MYO19: variants seen among roughly 807,000 people sequenced by gnomAD.
MYO19 encodes the protein myosin XIX.
MYO19 carries 132 observed loss-of-function variants against 129.2 expected under a neutral mutation model. That is an observed-to-expected ratio of 1.02 (90% CI 0.89 to 1.18). The LOEUF (loss-of-function observed/expected upper bound fraction) is 1.18, where lower values mean the gene tolerates loss of function less well. Among genes scored for constraint, MYO19 ranks in the 50% most tolerant of loss-of-function variants. The pLI is 0.00. For missense variants in MYO19, 1,210 were observed against 1,216.7 expected, an observed-to-expected ratio of 0.99 and a Z score of 0.08; for synonymous variants, 531 against 477.2, an observed-to-expected ratio of 1.11 and a Z score of -1.47.
Position 36,512,840 on chromosome 17 carries a change from C to T in MYO19, c.894+589G>A, listed in dbSNP as rs187954683. ...TCTGTCAGCAAAGACAGAAGGGAGGCCCCCCTAGTGTGACTGAGAGGAGCC... is the reference window on the plus strand; with the variant it reads ...TCTGTCAGCAAAGACAGAAGGGAGGTCCCCCTAGTGTGACTGAGAGGAGCC... On this transcript the variant is annotated intron_variant, in intron 11 of 25. Coordinates refer to ENST00000614623, the MANE Select transcript of MYO19 (RefSeq NM_001163735.2). 10,930 of 1,244,886 alleles carry T rather than the reference C, an allele frequency of 8.8e-3. 59 individuals carry two copies. Among genetic ancestry groups the T allele is most frequent in the Non-Finnish European group, 0.01 (9,817 of 966,034 alleles). 77.1% of individuals were successfully genotyped at this position (1,244,886 alleles called of 1,614,324 possible).
At position 36,528,216 on chromosome 17, in the gene MYO19, C is replaced by T. The variant is rs767189932; in HGVS notation, c.13-14G>A. The T allele has an allele frequency of 4.5e-6, 7 of 1,559,474 alleles. No homozygotes were observed. Among genetic ancestry groups the T allele is most frequent in the Admixed American group, 1.9e-5 (1 of 51,790 alleles). On this transcript the variant is annotated splice_polypyrimidine_tract_variant and intron_variant, in intron 3 of 25. Coordinates refer to ENST00000614623, the MANE Select transcript of MYO19 (RefSeq NM_001163735.2). Reference sequence around the variant, plus strand: ...GTGGCCATTGACCTGGAAGAGATAACGTGAAGGTGAGGCCAGGCACAGTGG... The same window carrying T: ...GTGGCCATTGACCTGGAAGAGATAATGTGAAGGTGAGGCCAGGCACAGTGG...
At chr17:36,517,065 G>A (rs2072803002) in intron 6 of MYO19, among the ~76,000 whole-genome samples, 1 of 151,928 alleles carries the variant, frequency 6.6e-6, no homozygotes, top group Admixed American at 6.6e-5. Context: ...TTCTTCTTGT[G>A]TGATCTTCAG....
At chr17:36,508,933 T>G in intron 14 of MYO19, 129 bp downstream of exon 14, 1 of 748,308 alleles carries the variant, frequency 1.3e-6, no homozygotes, top group Non-Finnish European at 2.3e-6. Flanking sequence ...GGCAGGCAGA[T>G]GCAAGAGGAG....
upstream of MYO19, among the ~76,000 whole-genome samples, chr17:36,544,433 A>G (rs996236885): frequency 6.6e-6 from 1 of 151,606 alleles, no homozygotes; most frequent in Non-Finnish European, 1.5e-5. Flanking sequence ...TTTGTCTCTC[A>G]CCCCCCGATG....
intron 11 of MYO19, chr17:36,512,966 G>T: frequency 1.4e-6 from 1 of 730,220 alleles, no homozygotes; most frequent in Middle Eastern, 5.6e-4. Context: ...CTGGTACTCT[G>T]TATCACCACT....
At chr17:36,537,492 T>A (rs200501473), upstream of MYO19, 3 of 1,614,218 alleles carry the variant, frequency 1.9e-6, no homozygotes, top group East Asian at 4.5e-5. Flanking sequence ...AGCCATCTCC[T>A]GTTTCCGTGT....
At chr17:36,512,771 C>T in intron 11 of MYO19, 1 of 1,288,638 alleles carries the variant, frequency 7.8e-7, no homozygotes, top group Non-Finnish European at 1.0e-6. Context: ...TCTATCCCCT[C>T]CTGCTGCTCT....
Position 36,505,399 on chromosome 17 carries a change from T to C in MYO19, c.1803A>G (p.Ser601=). 1 of 1,613,920 alleles carries C rather than the reference T, an allele frequency of 6.2e-7. No homozygotes were observed. Among genetic ancestry groups the C allele is most frequent in the Non-Finnish European group, 8.5e-7 (1 of 1,179,798 alleles). The change falls in exon 19 of 26, where the codon TCA becomes TCG. Residue 601 remains serine (S), a synonymous_variant. Transcript: ENST00000614623. ...GTAGGACCTGCAGAAGCTGCTCCAG[T>C]GAGGCCTGCAGATGAGAGACCATGG... is the stretch of plus-strand genomic sequence containing the variant. ...VLTVVSKFKA[S]LEQLLQVLHS...
upstream of MYO19, chr17:36,538,279 T>A: frequency 6.2e-7 from 1 of 1,613,374 alleles, no homozygotes; most frequent in Non-Finnish European, 8.5e-7. Context: ...CTGGGTGATA[T>A]AATTTTGAGT....
chr17:36,502,037 G>A (rs2071567348), intron 21 of MYO19: 1 of 153,140 alleles, frequency 6.5e-6, no homozygotes, highest in Non-Finnish European at 1.5e-5. Flanking sequence ...AAAGGAAAGT[G>A]AAAACTGCCC....
Position 36,496,251 on chromosome 17 carries a change from T to C in MYO19, c.2913A>G (p.Ter971TrpextTer37). 1 of 1,613,450 alleles carries C rather than the reference T, an allele frequency of 6.2e-7. No homozygotes were observed. Among genetic ancestry groups the C allele is most frequent in the South Asian group, 1.1e-5 (1 of 91,024 alleles). ...CTTGTGGAAACAAAGGCACCAAGGA[T>C]CACCCCAGCCCAGTGAAGGCAGAAG... ...VTSSAFTGLG[*>W] is the part of the protein sequence containing the mutation. The change falls in exon 26 of 26, where the codon TGA becomes TGG. Residue 971 changes from the stop codon to tryptophan (W), a stop_lost. Transcript: ENST00000614623.
rs565215443 is a variant in MYO19 at position 36,509,173 on chromosome 17, T to C, written c.1158-38A>G. On this transcript the variant is annotated intron_variant, in intron 13 of 25. Transcript: ENST00000614623. ...GAGAGTGGACTCTGGTAAGAGGGTCTGGCTGAGTCAAAGGGGTGGTAAAAT... is the reference window on the plus strand; with the variant it reads ...GAGAGTGGACTCTGGTAAGAGGGTCCGGCTGAGTCAAAGGGGTGGTAAAAT... 28 of 1,599,800 alleles carry C rather than the reference T, an allele frequency of 1.8e-5. No homozygotes were observed. The South Asian group carries it at 2.3e-4, about 13-fold the overall frequency.
At chr17:36,537,897 C>G (rs189401029), upstream of MYO19, 1 of 1,613,968 alleles carries the variant, frequency 6.2e-7, no homozygotes, top group Non-Finnish European at 8.5e-7. Context: ...GATTATTGCC[C>G]TCGGCATTAC....
intron 6 of MYO19, among the ~76,000 whole-genome samples, chr17:36,523,619 GTATAT>G (rs2073282210): frequency 6.6e-6 from 1 of 152,082 alleles, no homozygotes; most frequent in African/African-American, 2.4e-5. Context: ...AGAATATATA[GTATAT>G]TATATGGCTC....
chr17:36,542,760 T>C (rs2074203636), intron 1 of MYO19, among the ~76,000 whole-genome samples: 1 of 151,874 alleles, frequency 6.6e-6, no homozygotes, highest in African/African-American at 2.4e-5. Context: ...GGAGCACCTC[T>C]AGATACTGAA....
Position 36,507,148 on chromosome 17 carries a change from T to A in MYO19, c.1468-9A>T. The A allele has an allele frequency of 6.3e-7, 1 of 1,597,064 alleles. No homozygotes were observed. On this transcript the variant is annotated splice_polypyrimidine_tract_variant and intron_variant, in intron 16 of 25. Coordinates refer to ENST00000614623, the MANE Select transcript of MYO19 (RefSeq NM_001163735.2). ...CGATTGAGGCGGCATTCCTGTGGGA[T>A]GGGAACAGGGGGTCAGCCACCAACA... is the stretch of plus-strand genomic sequence containing the variant.
chr17:36,529,987 T>G (rs76903956), intron 3 of MYO19, among the ~76,000 whole-genome samples: 10,687 of 152,204 alleles, frequency 0.07, 631 homozygotes, highest in African/African-American at 0.16. Flanking sequence ...AGTTCGAGGC[T>G]GCAATGAGTT....
At position 36,510,856 on chromosome 17, in the gene MYO19, C is replaced by T. The variant is rs763248950; in HGVS notation, c.1047G>A (p.Val349=). 2 of 1,581,996 alleles carry T rather than the reference C, an allele frequency of 1.3e-6. No individual in the cohort carries two copies. The highest frequency in any genetic ancestry group is 2.3e-5 in the East Asian group (1 of 43,072). Residue 349 remains valine (V), a synonymous_variant, in exon 13 of 26, where the codon GTG becomes GTA. Transcript: ENST00000614623. ...TGCCTGCCCTGATGGTTCTAATCTG[C>T]ACCATCTCCAGCAGCACGTCCTCTG... is the stretch of plus-strand genomic sequence containing the variant. The part of the protein sequence containing the change: ...GLPEDVLLEM[V]QIRTIRAGRQ...
chr17:36,509,443 G>C (rs1056116550), intron 13 of MYO19: 1 of 454,342 alleles, frequency 2.2e-6, no homozygotes, highest in East Asian at 4.1e-5. Flanking sequence ...CACATGGCTC[G>C]AGACCCAGCT....
Sources: allele counts gnomAD v4.1 joint callset (sites outside exome capture counted in the v4.1 genomes callset), GRCh38; gene constraint gnomAD v4.1.1; transcripts MANE v1.5; gene names NCBI Gene and HGNC (gene_info 2026-07-23, HGNC 2026-07-21).